TRAF2: variants seen among roughly 807,000 people sequenced by gnomAD.
TRAF2 encodes TNF receptor associated factor 2, also known as TNF receptor-associated factor 2.
A neutral mutation model predicts 55.6 loss-of-function variants in TRAF2; 6 were observed. The ratio of observed to expected loss-of-function variants is 0.11; its 90% CI spans 0.06 to 0.21. The LOEUF is 0.21. Among genes scored for constraint, TRAF2 ranks in the 10% least tolerant of loss-of-function variants. The probability of loss-of-function intolerance (pLI) is 1.00; values close to 1 mark genes in which losing one functional copy is unlikely to be tolerated. For synonymous variants in TRAF2, 329 were observed against 276.3 expected (o/e 1.19, Z -1.89); for missense variants, 561 against 684.5 (o/e 0.82, Z 2.01).
chr9:136,888,887 A>G (rs1849512494), intron 1 of TRAF2, among the ~76,000 whole-genome samples: 1 of 152,114 alleles, frequency 6.6e-6, no homozygotes, highest in Non-Finnish European at 1.5e-5. Context: ...TCTCCTGTGG[A>G]GGGGAGTCTC....
chr9:136,898,038 G>A (rs564630480), intron 1 of TRAF2, among the ~76,000 whole-genome samples: 2 of 146,222 alleles, frequency 1.4e-5, no homozygotes, highest in South Asian at 4.4e-4. Context: ...TCTCAGGGCT[G>A]GAGGGGAACC....
intron 1 of TRAF2, among the ~76,000 whole-genome samples, chr9:136,889,368 C>T (rs577880828): frequency 2.8e-4 from 42 of 152,082 alleles, no homozygotes; most frequent in African/African-American, 9.6e-4. Context: ...GCTGCAACCT[C>T]TGCCTCCCAG....
At chr9:136,894,874 A>C (rs1222103775) in intron 1 of TRAF2, among the ~76,000 whole-genome samples, 2 of 152,174 alleles carry the variant, frequency 1.3e-5, no homozygotes, top group African/African-American at 4.8e-5. Flanking sequence ...CAGCCACTGG[A>C]GAAACTGGCG....
At chr9:136,921,302 C>G in intron 9 of TRAF2, 87 bp downstream of exon 9, 2 of 1,538,660 alleles carry the variant, frequency 1.3e-6, no homozygotes, top group Admixed American at 1.7e-5. Flanking sequence ...TAGGATGGCT[C>G]CCAAGGGTGG....
intron 1 of TRAF2, among the ~76,000 whole-genome samples, chr9:136,891,030 A>T (rs1447288505): frequency 6.6e-6 from 1 of 152,082 alleles, no homozygotes; most frequent in Admixed American, 6.5e-5. Flanking sequence ...AGATCCTCCC[A>T]CCTCGGCCTC....
rs373240597 is a variant in TRAF2, at chr9:136,905,920, C to T, written c.367-2150C>T. ...GAGATTGAGACCATCCTGGCTAACA[C>T]GGTGAAACCCTGTCTGTACTAAAAA... On this transcript the variant is annotated intron_variant, in intron 4 of 10. Transcript: ENST00000247668. Among the ~76,000 whole-genome samples, 361 of 152,250 alleles carry T rather than the reference C, an allele frequency of 2.4e-3. 2 individuals carry two copies. Among genetic ancestry groups the T allele is most frequent in the African/African-American group, 8.3e-3 (344 of 41,544 alleles).
At chr9:136,900,757 A>G (rs539312793) in intron 4 of TRAF2, 33 of 510,908 alleles carry the variant, frequency 6.5e-5, no homozygotes, top group Non-Finnish European at 1.2e-4. Context: ...CGGGCGAGGT[A>G]TTTACCCTCT....
intron 6 of TRAF2, among the ~76,000 whole-genome samples, chr9:136,910,435 T>C (rs1012976614): frequency 3.3e-5 from 5 of 152,214 alleles, no homozygotes; most frequent in African/African-American, 1.2e-4. Flanking sequence ...CTGGCAGAAC[T>C]TTGTCCCTGG....
chr9:136,887,638 G>A (rs772963175), intron 1 of TRAF2, among the ~76,000 whole-genome samples: 1 of 152,032 alleles, frequency 6.6e-6, no homozygotes, highest in Non-Finnish European at 1.5e-5. Context: ...TTGAAGGGAC[G>A]GAATTACTGC....
chr9:136,894,060 T>TG (rs1849633684), intron 1 of TRAF2, among the ~76,000 whole-genome samples: 1 of 149,386 alleles, frequency 6.7e-6, no homozygotes, highest in Middle Eastern at 3.5e-3. Context: ...TTTTTTTTTT[T>TG]TTTTGAAATG....
chr9:136,921,049 G>A lies in TRAF2; in HGVS notation c.972G>A (p.Leu324=). 1 of 1,613,910 alleles carries A rather than the reference G, an allele frequency of 6.2e-7. No individual in the cohort carries two copies. Among genetic ancestry groups the A allele is most frequent in the South Asian group, 1.1e-5 (1 of 91,088 alleles). ...TTGGCACCCGGCAGGTGCAGCAGCTGGAGAGGAGCATTGGCCTCAAGGACC... is the reference window on the plus strand; with the variant it reads ...TTGGCACCCGGCAGGTGCAGCAGCTAGAGAGGAGCATTGGCCTCAAGGACC... The part of the protein sequence containing the change: ...IEALSSKVQQ[L]ERSIGLKDLA... Residue 324 remains leucine (L), a synonymous_variant, in exon 9 of 11, where the codon CTG becomes CTA. Coordinates refer to ENST00000247668, the MANE Select transcript of TRAF2 (RefSeq NM_021138.4).
chr9:136,902,900 A>T (rs187605053), intron 4 of TRAF2, among the ~76,000 whole-genome samples: 131 of 152,240 alleles, frequency 8.6e-4, no homozygotes, highest in African/African-American at 3.1e-3. Flanking sequence ...AAAAGGGGAA[A>T]ATCCTGCTTA....
chr9:136,908,301 G>C, intron 5 of TRAF2, 70 bp downstream of exon 5: 1 of 1,451,048 alleles, frequency 6.9e-7, no homozygotes. Flanking sequence ...CTGCGTGCTG[G>C]CCACTGCGGC....
intron 7 of TRAF2, 160 bp downstream of exon 7, chr9:136,916,775 C>A (rs1850252656): frequency 4.2e-6 from 3 of 707,866 alleles, no homozygotes; most frequent in South Asian, 1.6e-5. Context: ...CCAGCTTGGT[C>A]TCTGGGCTGG....
chr9:136,913,631 TTTTC>T (rs1850174178), intron 6 of TRAF2, among the ~76,000 whole-genome samples: 1 of 152,138 alleles, frequency 6.6e-6, no homozygotes, highest in Non-Finnish European at 1.5e-5. Context: ...GGAATACATT[TTTTC>T]TTTGAGTTTA....
chr9:136,882,686 T>A (rs1373602530), upstream of TRAF2: 7 of 985,304 alleles, frequency 7.1e-6, no homozygotes, highest in African/African-American at 5.2e-5. Context: ...CACGTGGGAA[T>A]CCCCTGAGCT....
At chr9:136,918,308 C>T (rs1401582543) in intron 7 of TRAF2, among the ~76,000 whole-genome samples, 2 of 148,770 alleles carry the variant, frequency 1.3e-5, no homozygotes, top group East Asian at 2.0e-4. Context: ...CTTGCTTTGT[C>T]GCCCAGGCTG....
At chr9:136,921,574 G>A (rs960049833) in intron 9 of TRAF2, among the ~76,000 whole-genome samples, 13 of 152,184 alleles carry the variant, frequency 8.5e-5, no homozygotes, top group African/African-American at 2.7e-4. Context: ...AAGACAGGGC[G>A]GGTGGGGGTG....
intron 4 of TRAF2, among the ~76,000 whole-genome samples, chr9:136,904,183 A>G (rs946534297): frequency 6.6e-6 from 1 of 152,178 alleles, no homozygotes; most frequent in East Asian, 1.9e-4. Flanking sequence ...AAGATGTCAT[A>G]TCATTTCACC....
Sources: allele counts gnomAD v4.1 joint callset (sites outside exome capture counted in the v4.1 genomes callset), GRCh38; gene constraint gnomAD v4.1.1; transcripts MANE v1.5; gene names NCBI Gene and HGNC (gene_info 2026-07-23, HGNC 2026-07-21).